LRPPRC: variants seen among roughly 807,000 people sequenced by gnomAD.
The protein encoded by LRPPRC is leucine rich pentatricopeptide repeat containing.
A neutral mutation model predicts 180.3 loss-of-function variants in LRPPRC; 120 were observed. The ratio of observed to expected loss-of-function variants is 0.67; its 90% CI spans 0.57 to 0.77. The LOEUF is 0.77. Among genes scored for constraint, LRPPRC ranks in the 30% least tolerant of loss-of-function variants. The pLI is 0.00. For synonymous variants in LRPPRC, 723 were observed against 600.0 expected (o/e 1.21, Z -3.00); for missense variants, 2,012 against 1,657.2 (o/e 1.21, Z -3.72).
chr2:43,946,308 G>C, intron 20 of LRPPRC, 65 bp from the exon 21 acceptor site: 6 of 1,263,634 alleles, frequency 4.7e-6, no homozygotes, highest in Non-Finnish European at 6.9e-6. Flanking sequence ...CACATTTTTA[G>C]CTTTACTGTT....
chr2:43,943,883 T>G lies in LRPPRC; in HGVS notation c.2308A>C (p.Ile770Leu). 6.2e-7 allele frequency: 1 copy of G among 1,611,764 alleles called. No homozygotes were observed. Among genetic ancestry groups the G allele is most frequent in the Non-Finnish European group, 8.5e-7 (1 of 1,178,018 alleles). Reference protein sequence around the residue: ...KHGKLQDAINILKEMKEKDVL... With the variant: ...KHGKLQDAINLLKEMKEKDVL... ...TCCTTCTCTTTCATCTCCTTCAGAA[T>G]GTTAATAGCATCTACAATGAAGTAA... The change falls in exon 23 of 38, where the codon ATT becomes CTT. Residue 770 changes from isoleucine (I) to leucine (L), a missense_variant. Coordinates refer to ENST00000260665, the MANE Select transcript of LRPPRC (RefSeq NM_133259.4).
At chr2:43,978,765 T>C (rs2103731534) in intron 3 of LRPPRC, among the ~76,000 whole-genome samples, 1 of 152,236 alleles carries the variant, frequency 6.6e-6, no homozygotes, top group Non-Finnish European at 1.5e-5. Context: ...TTTTTTCACA[T>C]AGGTCCTACT....
chr2:43,957,485 A>C, intron 13 of LRPPRC, 34 bp from the exon 14 acceptor site: 2 of 1,520,752 alleles, frequency 1.3e-6, no homozygotes, highest in Non-Finnish European at 1.8e-6. Context: ...TAAATCTCAG[A>C]CCAAACAAAT....
chr2:43,959,721 A>G (rs894775230), intron 13 of LRPPRC, among the ~76,000 whole-genome samples: 17 of 151,816 alleles, frequency 1.1e-4, no homozygotes, highest in African/African-American at 3.9e-4. Flanking sequence ...TGTCTCTACT[A>G]AAAATACAAA....
chr2:43,955,517 G>GC (rs1239506872), intron 14 of LRPPRC, among the ~76,000 whole-genome samples: 2 of 150,706 alleles, frequency 1.3e-5, no homozygotes, highest in African/African-American at 4.9e-5. Flanking sequence ...GAATCACTGT[G>GC]CTACACTGCT....
intron 23 of LRPPRC, among the ~76,000 whole-genome samples, chr2:43,941,957 T>A (rs1296562545): frequency 6.6e-6 from 1 of 152,088 alleles, no homozygotes; most frequent in Non-Finnish European, 1.5e-5. Flanking sequence ...TAATTTAGAT[T>A]TCCTTAGCTC....
At chr2:43,995,062 G>A (rs964497693) in intron 1 of LRPPRC, among the ~76,000 whole-genome samples, 2 of 152,216 alleles carry the variant, frequency 1.3e-5, no homozygotes, top group African/African-American at 2.4e-5. Flanking sequence ...CCAACATGGT[G>A]AAACCCAGTC....
chr2:43,973,610 G>C lies in LRPPRC; in HGVS notation c.1366C>G (p.Gln456Glu), dbSNP rs2103710166. 1.2e-6 allele frequency: 2 copies of C among 1,608,954 alleles called. No individual in the cohort carries two copies. Among genetic ancestry groups the C allele is most frequent in the South Asian group, 1.1e-5 (1 of 90,940 alleles). The change falls in exon 11 of 38, where the codon CAA (glutamine) becomes GAA (glutamate). Residue 456 changes from glutamine (Q) to glutamate (E), a missense_variant. Gln to Glu is a conservative substitution (Grantham distance 29). Coordinates refer to ENST00000260665, the MANE Select transcript of LRPPRC (RefSeq NM_133259.4). ...LVGRRKEKNV[Q>E]GIIEILKGMQ... ...TCGGTAAAAGGCAAAATCTAACCTT[G>C]AACATTTTTTTCCTTCCGACGTCCA...
intron 25 of LRPPRC, among the ~76,000 whole-genome samples, chr2:43,929,461 C>G (rs1672007186): frequency 6.6e-6 from 1 of 152,084 alleles, no homozygotes; most frequent in Non-Finnish European, 1.5e-5. Context: ...TTTATGGTAG[C>G]AAATAAGATA....
chr2:43,896,366 C>G (rs1007755935), intron 35 of LRPPRC: 1 of 350,886 alleles, frequency 2.8e-6, no homozygotes, highest in African/African-American at 2.1e-5. Context: ...CCACCATGCC[C>G]AGCCTAATCT....
At chr2:43,922,177 A>T (rs1350474191) in intron 27 of LRPPRC, among the ~76,000 whole-genome samples, 3 of 152,214 alleles carry the variant, frequency 2.0e-5, no homozygotes, top group Non-Finnish European at 4.4e-5. Context: ...AATTAGGACA[A>T]AATTTTGTAA....
chr2:43,931,273 G>T (rs1363241164), intron 25 of LRPPRC, among the ~76,000 whole-genome samples: 1 of 152,090 alleles, frequency 6.6e-6, no homozygotes, highest in Non-Finnish European at 1.5e-5. Context: ...CTTCCCTTGG[G>T]TTTGATTCCC....
rs545568761 is a variant in LRPPRC, at chr2:43,911,588, G to A, written c.3275+844C>T. On this transcript the variant is annotated intron_variant, in intron 30 of 37. Transcript: ENST00000260665. ...GTCACCCAGGCTGGAGTGCAGTTGCGCAATCTCAGCTCAACGCAACCTCCA... is the reference window on the plus strand; with the variant it reads ...GTCACCCAGGCTGGAGTGCAGTTGCACAATCTCAGCTCAACGCAACCTCCA... 6.0e-5 allele frequency among the ~76,000 whole-genome samples: 8 copies of A among 134,076 alleles called. No homozygotes were observed. The South Asian group carries it at 7.0e-4, about 12-fold the overall frequency. The allele number at this position is 134,076 out of a possible 152,430, so 88.0% of individuals were successfully genotyped here. A position where few individuals can be genotyped will look rare whatever the true frequency, so the allele number is the denominator to read the frequency against.
intron 11 of LRPPRC, among the ~76,000 whole-genome samples, chr2:43,970,918 G>C (rs555952633): frequency 6.6e-6 from 1 of 152,252 alleles, no homozygotes; most frequent in African/African-American, 2.4e-5. Flanking sequence ...GGCCAACATG[G>C]TGAAACCCCG....
At chr2:43,972,912 AAGC>A (rs1673880992) in intron 11 of LRPPRC, among the ~76,000 whole-genome samples, 1 of 152,216 alleles carries the variant, frequency 6.6e-6, no homozygotes, top group Non-Finnish European at 1.5e-5. Flanking sequence ...CTTCTGTTAA[AAGC>A]ATCTTTTTAT....
chr2:43,964,818 C>T (rs1673487187), intron 11 of LRPPRC, among the ~76,000 whole-genome samples: 2 of 152,094 alleles, frequency 1.3e-5, no homozygotes, highest in African/African-American at 4.8e-5. Context: ...TAGACCAATG[C>T]AACGGAACAA....
chr2:43,935,369 T>C (rs1048357071), intron 23 of LRPPRC, among the ~76,000 whole-genome samples: 2 of 152,216 alleles, frequency 1.3e-5, no homozygotes, highest in African/African-American at 2.4e-5. Context: ...AACTTTTTCA[T>C]CTTTATCATA....
chr2:43,945,981 C>T, intron 21 of LRPPRC, 132 bp downstream of exon 21: 1 of 977,278 alleles, frequency 1.0e-6, no homozygotes, highest in South Asian at 1.4e-5. Flanking sequence ...TACGAAATTT[C>T]AAAAACACTG....
chr2:43,969,257 A>G lies in LRPPRC; in HGVS notation c.1369+4350T>C, dbSNP rs1389626719. Among the ~76,000 whole-genome samples the G allele has an allele frequency of 3.3e-5, 5 of 152,246 alleles. No homozygotes were observed. In the South Asian group the frequency reaches 8.3e-4, roughly 25 times the overall value. On this transcript the variant is annotated intron_variant, in intron 11 of 37. Coordinates refer to ENST00000260665, the MANE Select transcript of LRPPRC (RefSeq NM_133259.4). ...GAAACCCCGTCTCTACTAAAAATAC[A>G]AAAGATTAGCCGGGCGTGGTGGCGG... is the stretch of plus-strand genomic sequence containing the variant.
Sources: gnomAD v4.1 joint callset for allele counts (sites outside exome capture counted in the v4.1 genomes callset) on GRCh38, gnomAD v4.1.1 for gene constraint, MANE v1.5 for transcripts, NCBI Gene and HGNC (gene_info 2026-07-23, HGNC 2026-07-21) for gene names.